Variants in ATP2B2 observed in about 807,000 individuals in gnomAD.
ATP2B2 encodes plasma membrane calcium-transporting ATPase 2.
ATP2B2 carries 15 observed loss-of-function variants against 120.0 expected under a neutral mutation model. The ratio of observed to expected loss-of-function variants is 0.12; its 90% CI spans 0.08 to 0.19. The LOEUF (loss-of-function observed/expected upper bound fraction) is 0.19, where lower values mean the gene tolerates loss of function less well. ATP2B2 is among the 10% of genes least tolerant of loss of function. The pLI is 1.00. For synonymous variants in ATP2B2, 694 were observed against 700.3 expected (o/e 0.99, Z 0.14); for missense variants, 1,045 against 1,719.8 (o/e 0.61, Z 6.94).
At chr3:10,583,012 C>A (rs1005926765) in intron 2 of ATP2B2, among the ~76,000 whole-genome samples, 2 of 152,228 alleles carry the variant, frequency 1.3e-5, no homozygotes, top group African/African-American at 4.8e-5. Flanking sequence ...GCAGCAGGCC[C>A]TCAATCTCTA....
intron 7 of ATP2B2, 69 bp from the exon 8 acceptor site, chr3:10,385,396 GA>G: frequency 7.3e-7 from 1 of 1,377,880 alleles, no homozygotes; most frequent in Non-Finnish European, 1.0e-6. Context: ...ACAAAGACAT[GA>G]ACCAACTTGT....
chr3:10,366,501 T>C (rs2125481128), intron 12 of ATP2B2, among the ~76,000 whole-genome samples: 1 of 152,288 alleles, frequency 6.6e-6, no homozygotes, highest in African/African-American at 2.4e-5. Context: ...CTCAATAGCT[T>C]ATGTTTCAGA....
intron 2 of ATP2B2, among the ~76,000 whole-genome samples, chr3:10,425,316 A>G (rs1424462635): frequency 6.6e-6 from 1 of 152,122 alleles, no homozygotes; most frequent in Non-Finnish European, 1.5e-5. Flanking sequence ...TCTCAAAAAA[A>G]AAATTAATTT....
intron 1 of ATP2B2, among the ~76,000 whole-genome samples, chr3:10,486,813 G>C (rs2065695202): frequency 6.6e-6 from 1 of 152,110 alleles, no homozygotes; most frequent in East Asian, 1.9e-4. Context: ...TCCACCTCCT[G>C]GGTTCAAGCA....
chr3:10,427,039 T>G (rs495435), intron 2 of ATP2B2, among the ~76,000 whole-genome samples: 94,359 of 152,056 alleles, frequency 0.62, 29,754 homozygotes, highest in South Asian at 0.8. Flanking sequence ...AGGTTCAAAT[T>G]GCAGATGAGG....
At chr3:10,684,849 AC>A (rs1273151739) in intron 1 of ATP2B2, among the ~76,000 whole-genome samples, 9 of 152,222 alleles carry the variant, frequency 5.9e-5, no homozygotes, top group Non-Finnish European at 1.0e-4. Context: ...TGGCTATTTT[AC>A]TCGAGACAAT....
At chr3:10,540,823 C>G (rs1405584785) in intron 2 of ATP2B2, among the ~76,000 whole-genome samples, 1 of 149,824 alleles carries the variant, frequency 6.7e-6, no homozygotes. Flanking sequence ...ACATATGTAA[C>G]AAACCTTCAC....
At position 10,343,033 on chromosome 3, in the gene ATP2B2, C is replaced by T; in HGVS notation, c.2704-68G>A. On this transcript the variant is annotated intron_variant, in intron 18 of 22. Transcript: ENST00000360273. The surrounding 1 kb of genome is among the most constrained non-coding windows in gnomAD (Gnocchi z 4.2). ...GCTGCTGTGAAGTGCTGGGCGGGCT[C>T]ATGGTGTAGTGTCCGCAGGCTCCTG... 6.5e-7 allele frequency: 1 copy of T among 1,538,748 alleles called. No individual in the cohort carries two copies.
At chr3:10,519,718 A>T (rs553087202) in intron 3 of ATP2B2, among the ~76,000 whole-genome samples, 6 of 152,364 alleles carry the variant, frequency 3.9e-5, no homozygotes, top group African/African-American at 1.4e-4. Flanking sequence ...TCCAAGAGGG[A>T]CAAGAGAACA....
chr3:10,604,524 A>G (rs1287517247), intron 2 of ATP2B2, among the ~76,000 whole-genome samples: 1 of 152,216 alleles, frequency 6.6e-6, no homozygotes, highest in Admixed American at 6.5e-5. Context: ...AGAGTCTGGA[A>G]TCCATAGCTT....
At chr3:10,640,246 T>C (rs1406310357) in intron 1 of ATP2B2, among the ~76,000 whole-genome samples, 2 of 152,126 alleles carry the variant, frequency 1.3e-5, no homozygotes, top group African/African-American at 4.8e-5. Flanking sequence ...CTGGACTTGC[T>C]CTGAAGGTAG....
chr3:10,505,262 C>T (rs1311620871), intron 1 of ATP2B2, among the ~76,000 whole-genome samples: 1 of 152,084 alleles, frequency 6.6e-6, no homozygotes, highest in Non-Finnish European at 1.5e-5. Flanking sequence ...CCCTCAGCGG[C>T]GGCTCCCAGT....
chr3:10,388,203 G>C, intron 6 of ATP2B2, 74 bp downstream of exon 6: 3 of 1,604,608 alleles, frequency 1.9e-6, no homozygotes, highest in African/African-American at 1.3e-5. Flanking sequence ...CTATTTTGTT[G>C]AGTGAACAAA....
intron 2 of ATP2B2, among the ~76,000 whole-genome samples, chr3:10,571,240 G>T (rs2068118798): frequency 6.6e-6 from 1 of 152,236 alleles, no homozygotes; most frequent in African/African-American, 2.4e-5. Context: ...GGGTTCTCTA[G>T]CTCCCCCAAG....
At chr3:10,351,697 C>G (rs2060582882) in intron 14 of ATP2B2, among the ~76,000 whole-genome samples, 1 of 152,208 alleles carries the variant, frequency 6.6e-6, no homozygotes, top group African/African-American at 2.4e-5. Context: ...GTAAATCCAG[C>G]TAAAATGAGC....
intron 4 of ATP2B2, 102 bp from the exon 5 acceptor site, chr3:10,401,180 G>C: frequency 1.3e-6 from 2 of 1,484,482 alleles, no homozygotes; most frequent in South Asian, 2.4e-5. Context: ...TGCCATCAGG[G>C]ACAGAATGCC....
In ATP2B2 at chr3:10,485,426, G is replaced by A. The variant is rs1037180720; in HGVS notation, c.-320+20039C>T. Among the ~76,000 whole-genome samples the A allele has an allele frequency of 3.9e-5, 6 of 152,214 alleles. No homozygotes were observed. The South Asian group carries it at 8.3e-4, about 21-fold the overall frequency. The stretch of plus-strand genomic sequence containing the variant: ...GGTGAGCAGAGGGATTGGAAAAGGA[G>A]GTGGGGGATTGCGGGAGCTCAGGGC... On this transcript the variant is annotated intron_variant, in intron 1 of 22. Coordinates refer to ENST00000360273, the MANE Select transcript of ATP2B2 (RefSeq NM_001001331.4).
intron 2 of ATP2B2, among the ~76,000 whole-genome samples, chr3:10,604,284 C>G (rs1253646336): frequency 2.6e-5 from 4 of 152,188 alleles, no homozygotes; most frequent in Admixed American, 2.0e-4. Flanking sequence ...ATCCACCCAC[C>G]TCCCTAGCTG....
At position 10,595,281 on chromosome 3, in the gene ATP2B2, T is replaced by G. The variant is rs891128157; in HGVS notation, c.-415+24636A>C. On this transcript the variant is annotated intron_variant, in intron 2 of 21. Transcript: ENST00000646379. ...GGGCCTTTTGGGGAAGGAGGCGTGC[T>G]GGAGGTTCTCAGGTCATGAAGCGGG... Among the ~76,000 whole-genome samples, 6 of 149,248 alleles carry G rather than the reference T, an allele frequency of 4.0e-5. 1 individual carries two copies. Among genetic ancestry groups the G allele is most frequent in the Admixed American group, 2.0e-4 (3 of 15,192 alleles).
Sources: gnomAD v4.1 joint callset for allele counts (sites outside exome capture counted in the v4.1 genomes callset) on GRCh38, gnomAD v4.1.1 for gene constraint, Gnocchi (gnomAD v3.1) non-coding constraint, MANE v1.5 for transcripts, NCBI Gene and HGNC (gene_info 2026-07-23, HGNC 2026-07-21) for gene names.